Variants in SLC66A1 observed in about 807,000 individuals in gnomAD.
The protein encoded by SLC66A1 is lysosomal amino acid transporter 1 homolog.
A neutral mutation model predicts 33.0 loss-of-function variants in SLC66A1; 23 were observed. That is an observed-to-expected ratio of 0.70 (90% CI 0.50 to 0.99). The LOEUF is 0.99. SLC66A1 is among the 50% of genes least tolerant of loss of function. The probability of loss-of-function intolerance (pLI) is 0.00; values close to 1 mark genes in which losing one functional copy is unlikely to be tolerated. For synonymous variants in SLC66A1, 164 were observed against 175.5 expected (o/e 0.93, Z 0.52); for missense variants, 335 against 383.6 (o/e 0.87, Z 1.06).
chr1:19,317,756 G>C lies in SLC66A1; in HGVS notation c.79G>C (p.Gly27Arg). 1 of 1,614,196 alleles carries C rather than the reference G, an allele frequency of 6.2e-7. No homozygotes were observed. The highest frequency in any genetic ancestry group is 8.5e-7 in the Non-Finnish European group (1 of 1,180,038). Residue 27 changes from glycine (G) to arginine (R), a missense_variant, in exon 2 of 8, where the codon GGT (glycine) becomes CGT (arginine). Transcript: ENST00000375153. ...GSIQWIWDVLGECAQDGWDEA... is the reference protein window; with the variant it reads ...GSIQWIWDVLRECAQDGWDEA... ...CATCCAGTGGATATGGGATGTGTTGGGTGAATGTGCCCAGGACGGCTGGGA... is the reference window on the plus strand; with the variant it reads ...CATCCAGTGGATATGGGATGTGTTGCGTGAATGTGCCCAGGACGGCTGGGA...
chr1:19,327,503 C>A, intron 7 of SLC66A1, 91 bp downstream of exon 7: 1 of 1,435,376 alleles, frequency 7.0e-7, no homozygotes, highest in African/African-American at 1.4e-5. Context: ...GTCTCTTCCT[C>A]CCTTCATCCA....
chr1:19,319,497 C>G (rs1286336307), intron 2 of SLC66A1, among the ~76,000 whole-genome samples: 1 of 151,924 alleles, frequency 6.6e-6, no homozygotes, highest in Non-Finnish European at 1.5e-5. Context: ...TGGCCGAATA[C>G]TGTTTTACTC....
chr1:19,313,407 C>T (rs1226347445), intron 1 of SLC66A1, among the ~76,000 whole-genome samples: 2 of 152,298 alleles, frequency 1.3e-5, no homozygotes, highest in Admixed American at 1.3e-4. Flanking sequence ...ATTTGCTGAA[C>T]CTCTAGGTGT....
At position 19,325,500 on chromosome 1, in the gene SLC66A1, C is replaced by G; in HGVS notation, c.300C>G (p.Tyr100Ter). The change falls in exon 4 of 8, where the codon TAC becomes TAG. Residue 100 changes from tyrosine to a stop codon, truncating the protein, a stop_gained. Transcript: ENST00000375153. LOFTEE classifies it high-confidence loss of function. ...FLADQLPLQT[Y>*]TAVYYVLADL... ...GCCCCCTGCATCTCTTACAGACCTA[C>G]ACGGCTGTGTATTATGTCTTGGCAG... 1.2e-6 allele frequency: 2 copies of G among 1,605,990 alleles called. No individual in the cohort carries two copies. Among genetic ancestry groups the G allele is most frequent in the Non-Finnish European group, 1.7e-6 (2 of 1,172,842 alleles).
At chr1:19,319,772 G>A (rs572398048) in intron 2 of SLC66A1, among the ~76,000 whole-genome samples, 8 of 151,120 alleles carry the variant, frequency 5.3e-5, no homozygotes, top group Non-Finnish European at 1.0e-4. Flanking sequence ...GTGTGGTGGC[G>A]CGTGCCTGTG....
At chr1:19,323,897 C>T (rs1458614233) in intron 2 of SLC66A1, among the ~76,000 whole-genome samples, 2 of 152,230 alleles carry the variant, frequency 1.3e-5, no homozygotes, top group East Asian at 3.8e-4. Context: ...GTAGACTGGA[C>T]AGCACAGGTG....
rs758213958 is a variant in SLC66A1, at chr1:19,324,753, G to T, written c.285G>T (p.Leu95=). The T allele has an allele frequency of 6.2e-7, 1 of 1,614,094 alleles. No homozygotes were observed. Among genetic ancestry groups the T allele is most frequent in the East Asian group, 2.2e-5 (1 of 44,866 alleles). Residue 95 remains leucine, a synonymous_variant, in exon 3 of 8, where the codon CTG becomes CTT. Coordinates refer to ENST00000375153, the MANE Select transcript of SLC66A1 (RefSeq NM_001040125.2). ...NLIGSFLADQ[L]PLQTYTAVYY... is the part of the protein sequence containing the mutation. ...TCGGCTCCTTCCTTGCTGACCAGCT[G>T]CCCCTGCAGGTGGGCCGGTACCCGG...
chr1:19,317,456 T>A, intron 1 of SLC66A1, 144 bp from the exon 2 acceptor site: 2 of 1,090,282 alleles, frequency 1.8e-6, no homozygotes, highest in Non-Finnish European at 2.5e-6. Flanking sequence ...GATTGGGTCC[T>A]GGTGGGTGAA....
intron 2 of SLC66A1, among the ~76,000 whole-genome samples, chr1:19,318,958 G>A (rs962113061): frequency 2.6e-5 from 4 of 152,174 alleles, no homozygotes; most frequent in Non-Finnish European, 5.9e-5. Context: ...GGGCAGCTGC[G>A]TTTATATAGT....
intron 1 of SLC66A1, among the ~76,000 whole-genome samples, chr1:19,314,180 C>A (rs2093793137): frequency 6.6e-6 from 1 of 152,204 alleles, no homozygotes; most frequent in Non-Finnish European, 1.5e-5. Context: ...CAGAGCCAGG[C>A]CTTTCTGTTC....
intron 2 of SLC66A1, 28 bp from the exon 3 acceptor site, chr1:19,324,605 T>C: frequency 6.2e-7 from 1 of 1,613,698 alleles, no homozygotes; most frequent in Non-Finnish European, 8.5e-7. Flanking sequence ...GGCCTGAGCA[T>C]GCATCCCTTC....
rs764336840 is a variant in SLC66A1, at chr1:19,317,712, C to T, written c.35C>T (p.Ser12Phe). 2.5e-6 allele frequency: 4 copies of T among 1,614,196 alleles called. No individual in the cohort carries two copies. The highest frequency in any genetic ancestry group is 2.2e-5 in the South Asian group (2 of 91,088). Reference sequence around the variant, plus strand: ...AAGAAACTGGGCTCCCGCAACTTCTCCAGCTGCCCCAGTGGCTCCATCCAG... The same window carrying T: ...AAGAAACTGGGCTCCCGCAACTTCTTCAGCTGCCCCAGTGGCTCCATCCAG... The part of the protein sequence containing the change: ...VWKKLGSRNF[S>F]SCPSGSIQWI... The change falls in exon 2 of 8, where the codon TCC (serine) becomes TTC (phenylalanine). Residue 12 changes from serine to phenylalanine, a missense_variant. Coordinates refer to ENST00000375153, the MANE Select transcript of SLC66A1 (RefSeq NM_001040125.2).
At position 19,326,338 on chromosome 1, in the gene SLC66A1, G is replaced by A. The variant is rs199688660; in HGVS notation, c.476G>A (p.Arg159Lys). 6.2e-7 allele frequency: 1 copy of A among 1,606,864 alleles called. No homozygotes were observed. Among genetic ancestry groups the A allele is most frequent in the East Asian group, 2.2e-5 (1 of 44,862 alleles). The change falls in exon 5 of 8, where the codon AGG (arginine) becomes AAG (lysine). Residue 159 changes from arginine (R) to lysine (K), a missense_variant. By Grantham distance (26) the Arg-to-Lys change is conservative (BLOSUM62 2). Transcript: ENST00000375153. ...GCTGCTGGGCCCGTGGCTGCCCCTA[G>A]GGAAGCCTTCCGGGGGCGGGCGCTC... ...LSAAGPVAAP[R>K]EAFRGRALLS... is the part of the protein sequence containing the mutation.
intron 1 of SLC66A1, among the ~76,000 whole-genome samples, chr1:19,316,313 TCTC>T (rs1323073226): frequency 2.6e-5 from 4 of 151,948 alleles, no homozygotes; most frequent in Non-Finnish European, 5.9e-5. Flanking sequence ...TTGCTCCTCT[TCTC>T]CACTTGCCTC....
At chr1:19,327,573 G>A (rs1343045296) in intron 7 of SLC66A1, 161 bp downstream of exon 7, 5 of 741,334 alleles carry the variant, frequency 6.7e-6, no homozygotes, top group Non-Finnish European at 8.5e-6. Flanking sequence ...TCACCCAGTC[G>A]TGCACACCTC....
At chr1:19,321,945 T>C (rs1406225518) in intron 2 of SLC66A1, among the ~76,000 whole-genome samples, 1 of 152,200 alleles carries the variant, frequency 6.6e-6, no homozygotes, top group African/African-American at 2.4e-5. Flanking sequence ...ATCAGAGGCT[T>C]GATGTTTTTA....
chr1:19,317,713 C>T lies in SLC66A1; in HGVS notation c.36C>T (p.Ser12=), dbSNP rs1295073738. The part of the protein sequence containing the change: ...VWKKLGSRNF[S]SCPSGSIQWI... ...AGAAACTGGGCTCCCGCAACTTCTC[C>T]AGCTGCCCCAGTGGCTCCATCCAGT... The change falls in exon 2 of 8, where the codon TCC becomes TCT. Residue 12 remains serine, a synonymous_variant. Coordinates refer to ENST00000375153, the MANE Select transcript of SLC66A1 (RefSeq NM_001040125.2). 2.5e-6 allele frequency: 4 copies of T among 1,614,188 alleles called. No individual in the cohort carries two copies. The East Asian group carries it at 8.9e-5, about 36-fold the overall frequency.
chr1:19,332,911 A>G (rs191488693), downstream of SLC66A1, among the ~76,000 whole-genome samples: 117 of 152,282 alleles, frequency 7.7e-4, no homozygotes, highest in African/African-American at 2.7e-3. Context: ...GCCCACATGG[A>G]GCATGAGGTT....
chr1:19,319,014 G>C (rs1004513009), intron 2 of SLC66A1, among the ~76,000 whole-genome samples: 22 of 152,232 alleles, frequency 1.4e-4, no homozygotes, highest in African/African-American at 5.3e-4. Context: ...GAGGTCACAG[G>C]AGTCATCAAA....
Sources: gnomAD v4.1 joint callset for allele counts (sites outside exome capture counted in the v4.1 genomes callset) on GRCh38, gnomAD v4.1.1 for gene constraint, MANE v1.5 for transcripts, NCBI Gene and HGNC (gene_info 2026-07-23, HGNC 2026-07-21) for gene names.